The following CCSER1 variants were observed in gnomAD, a reference collection of about 807,000 sequenced individuals.
CCSER1 encodes coiled-coil serine rich protein 1, also known as serine-rich coiled-coil domain-containing protein 1.
A neutral mutation model predicts 82.0 loss-of-function variants in CCSER1; 41 were observed. The ratio of observed to expected loss-of-function variants is 0.50; its 90% CI spans 0.39 to 0.65. The LOEUF is 0.65. Ranked by LOEUF, CCSER1 falls within the 30% of genes least tolerant of loss-of-function variation. The probability of loss-of-function intolerance (pLI) is 0.00; values close to 1 mark genes in which losing one functional copy is unlikely to be tolerated. For synonymous variants in CCSER1, 414 were observed against 383.9 expected, an observed-to-expected ratio of 1.08 and a Z score of -0.92; for missense variants, 1,119 against 1,064.2, an observed-to-expected ratio of 1.05 and a Z score of -0.72.
chr4:90,769,561 C>T (rs1751770092), intron 7 of CCSER1, among the ~76,000 whole-genome samples: 1 of 152,094 alleles, frequency 6.6e-6, no homozygotes, highest in Non-Finnish European at 1.5e-5. Flanking sequence ...TTTTTTGTAC[C>T]TGCCATTCCC....
intron 7 of CCSER1, among the ~76,000 whole-genome samples, chr4:90,762,091 A>C (rs1750488925): frequency 6.6e-6 from 1 of 152,128 alleles, no homozygotes; most frequent in Non-Finnish European, 1.5e-5. Context: ...TCCCTACCCA[A>C]ATGTTGTCTT....
chr4:91,083,816 A>G (rs1411729529), intron 9 of CCSER1, among the ~76,000 whole-genome samples: 2 of 152,168 alleles, frequency 1.3e-5, no homozygotes, highest in Non-Finnish European at 2.9e-5. Context: ...AAATACCAAG[A>G]GAAAAGGAGG....
chr4:91,466,342 T>C (rs1756905914), intron 10 of CCSER1, among the ~76,000 whole-genome samples: 2 of 152,132 alleles, frequency 1.3e-5, no homozygotes, highest in African/African-American at 4.8e-5. Flanking sequence ...TAGGTATTGA[T>C]GGGACGTAAC....
At chr4:90,617,602 A>G (rs770675088) in intron 5 of CCSER1, among the ~76,000 whole-genome samples, 7 of 152,204 alleles carry the variant, frequency 4.6e-5, no homozygotes, top group Admixed American at 2.6e-4. Flanking sequence ...AGATTCATCA[A>G]CAGAAACCTA....
intron 10 of CCSER1, among the ~76,000 whole-genome samples, chr4:91,443,482 A>G (rs1007428757): frequency 1.6e-5 from 2 of 126,448 alleles, no homozygotes; most frequent in Non-Finnish European, 3.2e-5. Flanking sequence ...AGGAAGGGGA[A>G]CATCACACTC....
At chr4:90,213,705 G>A (rs1232476192) in intron 1 of CCSER1, among the ~76,000 whole-genome samples, 1 of 152,146 alleles carries the variant, frequency 6.6e-6, no homozygotes, top group East Asian at 1.9e-4. Flanking sequence ...GCCAAGTAAG[G>A]AAAGTACATC....
At chr4:90,172,722 C>T (rs1731939754) in intron 1 of CCSER1, among the ~76,000 whole-genome samples, 1 of 151,636 alleles carries the variant, frequency 6.6e-6, no homozygotes, top group Non-Finnish European at 1.5e-5. Context: ...CTATCCATTC[C>T]TCTGGGAAAA....
At chr4:90,414,446 T>C (rs1412647494) in intron 4 of CCSER1, among the ~76,000 whole-genome samples, 2 of 152,100 alleles carry the variant, frequency 1.3e-5, no homozygotes, top group Non-Finnish European at 2.9e-5. Flanking sequence ...TGGTAAAATA[T>C]TACATTTATT....
At chr4:90,709,687 A>G (rs1670625980) in intron 6 of CCSER1, among the ~76,000 whole-genome samples, 3 of 152,100 alleles carry the variant, frequency 2.0e-5, no homozygotes, top group South Asian at 2.1e-4. Context: ...TCTATCATTG[A>G]TGGGCATTTA....
intron 8 of CCSER1, among the ~76,000 whole-genome samples, chr4:90,834,282 TA>T (rs887714564): frequency 5.9e-5 from 9 of 152,150 alleles, no homozygotes; most frequent in Admixed American, 3.3e-4. Flanking sequence ...TATTTCTTGC[TA>T]AAAAAACTTT....
intron 5 of CCSER1, among the ~76,000 whole-genome samples, chr4:90,535,282 A>G (rs1775171499): frequency 6.6e-6 from 1 of 152,160 alleles, no homozygotes; most frequent in Non-Finnish European, 1.5e-5. Context: ...CTTTGTTAGT[A>G]TAGGCATTAG....
At chr4:91,128,098 C>A (rs1397446280) in intron 10 of CCSER1, among the ~76,000 whole-genome samples, 1 of 152,010 alleles carries the variant, frequency 6.6e-6, no homozygotes, top group East Asian at 1.9e-4. Context: ...CATGCCATGT[C>A]TGTTATCAGG....
At chr4:90,977,818 G>T (rs1219672427) in intron 9 of CCSER1, among the ~76,000 whole-genome samples, 1 of 151,610 alleles carries the variant, frequency 6.6e-6, no homozygotes, top group Non-Finnish European at 1.5e-5. Flanking sequence ...TTTAATAGAT[G>T]ACAATAGATT....
intron 7 of CCSER1, among the ~76,000 whole-genome samples, chr4:90,810,383 C>T (rs1561176957): frequency 6.6e-6 from 1 of 152,084 alleles, no homozygotes; most frequent in Non-Finnish European, 1.5e-5. Flanking sequence ...AACAGTGGCT[C>T]ATGCCTGTAA....
intron 9 of CCSER1, among the ~76,000 whole-genome samples, chr4:91,044,026 A>T (rs886694158): frequency 6.6e-6 from 1 of 152,234 alleles, no homozygotes; most frequent in Non-Finnish European, 1.5e-5. Flanking sequence ...CTTTATACAT[A>T]CAAAGACCCA....
chr4:90,592,978 C>T (rs1038711640), intron 5 of CCSER1, among the ~76,000 whole-genome samples: 1 of 152,072 alleles, frequency 6.6e-6, no homozygotes, highest in Admixed American at 6.6e-5. Context: ...AAGTGAGAAC[C>T]ATTTGCACAA....
intron 10 of CCSER1, among the ~76,000 whole-genome samples, chr4:91,441,903 C>A (rs972165923): frequency 6.6e-6 from 1 of 152,014 alleles, no homozygotes; most frequent in Non-Finnish European, 1.5e-5. Flanking sequence ...ACCTAGGAAT[C>A]CAACTTACAA....
chr4:90,693,978 G>A (rs570406118), intron 6 of CCSER1, among the ~76,000 whole-genome samples: 166 of 151,970 alleles, frequency 1.1e-3, no homozygotes, highest in African/African-American at 3.9e-3. Flanking sequence ...TTATAATTTA[G>A]TTGTCAGAAC....
intron 9 of CCSER1, among the ~76,000 whole-genome samples, chr4:91,017,950 G>A (rs1005234677): frequency 3.3e-5 from 5 of 151,728 alleles, no homozygotes; most frequent in African/African-American, 1.2e-4. Context: ...CTCAGCTTCC[G>A]GAGTGGTATT....
Sources: allele counts gnomAD v4.1 joint callset (sites outside exome capture counted in the v4.1 genomes callset), GRCh38; gene constraint gnomAD v4.1.1; transcripts MANE v1.5; gene names NCBI Gene and HGNC (gene_info 2026-07-23, HGNC 2026-07-21).